Variants in CAST observed in about 807,000 individuals in gnomAD.
The protein encoded by CAST is MIR583 host.
Under a neutral mutation model 119.6 loss-of-function variants are expected in CAST, and 76 were observed. That is an observed-to-expected ratio of 0.64 (90% CI 0.53 to 0.77). The LOEUF is 0.77. CAST is among the 30% of genes least tolerant of loss of function. The probability of loss-of-function intolerance (pLI) is 0.00; values close to 1 mark genes in which losing one functional copy is unlikely to be tolerated. For missense variants in CAST, 953 were observed against 946.5 expected, an observed-to-expected ratio of 1.01 and a Z score of -0.09; for synonymous variants, 319 against 331.6, an observed-to-expected ratio of 0.96 and a Z score of 0.41.
At chr5:96,484,339 G>T in the CAST span, among the ~76,000 whole-genome samples, 1 of 152,124 alleles carries the variant, frequency 6.6e-6, no homozygotes, top group Admixed American at 6.5e-5. Context: ...GATTAGAGTT[G>T]TTGGAAAAGT....
At chr5:96,249,566 C>T in the CAST span, among the ~76,000 whole-genome samples, 1 of 152,142 alleles carries the variant, frequency 6.6e-6, no homozygotes. Context: ...CAAACAAGCC[C>T]ATCATTTCTA....
the CAST span, among the ~76,000 whole-genome samples, chr5:96,402,381 A>G: frequency 0.046 from 7,029 of 152,130 alleles, 458 homozygotes; most frequent in African/African-American, 0.15. Flanking sequence ...TGTTCTTTCC[A>G]TATTGACATT....
intron 1 of CAST, among the ~76,000 whole-genome samples, chr5:96,667,058 CA>C (rs1395907438): frequency 1.3e-5 from 2 of 152,068 alleles, no homozygotes; most frequent in Non-Finnish European, 2.9e-5. Context: ...AGGCGGGGGG[CA>C]GGGGGAAGTA....
At chr5:96,445,350 T>C in the CAST span, among the ~76,000 whole-genome samples, 1 of 152,120 alleles carries the variant, frequency 6.6e-6, no homozygotes, top group East Asian at 1.9e-4. Context: ...GAGGATGGCA[T>C]TAAGGCCAGG....
chr5:96,099,423 C>T, the CAST span, among the ~76,000 whole-genome samples: 1 of 152,130 alleles, frequency 6.6e-6, no homozygotes, highest in African/African-American at 2.4e-5. Context: ...GGGAATGCTT[C>T]CAACTTTTGC....
At chr5:96,221,012 A>G in the CAST span, among the ~76,000 whole-genome samples, 7,314 of 152,236 alleles carry the variant, frequency 0.048, 625 homozygotes, top group African/African-American at 0.17. Flanking sequence ...TATATTTTCA[A>G]TGTTAAATTT....
chr5:96,099,343 C>A, the CAST span, among the ~76,000 whole-genome samples: 1 of 152,008 alleles, frequency 6.6e-6, no homozygotes, highest in African/African-American at 2.4e-5. Context: ...CTCCTCTGGC[C>A]AGGACTTCCA....
At chr5:96,568,148 G>A (rs905920292) in intron 1 of CAST, among the ~76,000 whole-genome samples, 6 of 152,152 alleles carry the variant, frequency 3.9e-5, no homozygotes, top group East Asian at 1.9e-4. Flanking sequence ...AAGAGCAAGC[G>A]TGTATCTGAT....
chr5:96,439,112 A>G, the CAST span, among the ~76,000 whole-genome samples: 1 of 152,226 alleles, frequency 6.6e-6, no homozygotes, highest in South Asian at 2.1e-4. Context: ...ATGGTTGCAT[A>G]GCTTTCCATT....
At chr5:96,621,965 T>C (rs901626130) in intron 1 of CAST, among the ~76,000 whole-genome samples, 2 of 134,530 alleles carry the variant, frequency 1.5e-5, no homozygotes, top group Non-Finnish European at 1.6e-5. Context: ...TTTTCTTTTT[T>C]TCTCTTTTTT....
Position 96,638,104 on chromosome 5 carries a change from C to G in CAST, c.61-37435C>G, listed in dbSNP as rs550651545. Among the ~76,000 whole-genome samples the G allele has an allele frequency of 3.3e-5, 5 of 152,276 alleles. No individual in the cohort carries two copies. In the East Asian group the frequency reaches 9.7e-4, roughly 29 times the overall value. On this transcript the variant is annotated intron_variant, in intron 1 of 11. Coordinates refer to the CAST transcript ENST00000505143. ...CCCTTCATCTGGGTGTTTTTATGCA[C>G]TAAGCAAAATGCCCTTTTGGGCCTG...
the CAST span, among the ~76,000 whole-genome samples, chr5:96,067,340 C>T: frequency 2.0e-5 from 3 of 152,112 alleles, no homozygotes; most frequent in African/African-American, 7.2e-5. Flanking sequence ...CCAGTAAATA[C>T]ATGTTTTAAA....
At chr5:96,483,427 A>G in the CAST span, among the ~76,000 whole-genome samples, 7 of 152,160 alleles carry the variant, frequency 4.6e-5, no homozygotes, top group Non-Finnish European at 8.8e-5. Flanking sequence ...ATTAATATCT[A>G]CTAGAGTAAA....
At chr5:96,331,311 C>T in the CAST span, among the ~76,000 whole-genome samples, 12 of 152,250 alleles carry the variant, frequency 7.9e-5, no homozygotes, top group Admixed American at 2.6e-4. Flanking sequence ...CCCTTTCTTA[C>T]ACACAGAACT....
the CAST span, among the ~76,000 whole-genome samples, chr5:96,339,769 T>C: frequency 6.6e-6 from 1 of 152,196 alleles, no homozygotes; most frequent in African/African-American, 2.4e-5. Flanking sequence ...GGAACTCTTC[T>C]GTGTTTGATT....
the CAST span, among the ~76,000 whole-genome samples, chr5:96,078,973 A>G: frequency 1.3e-5 from 2 of 152,136 alleles, no homozygotes; most frequent in South Asian, 2.1e-4. Context: ...ATCAGGAAGT[A>G]TAATTAATGG....
At chr5:96,027,959 T>A in the CAST span, among the ~76,000 whole-genome samples, 98 of 151,848 alleles carry the variant, frequency 6.5e-4, no homozygotes, top group Non-Finnish European at 1.3e-3. Context: ...TTTGACTGGA[T>A]GATGATCTTG....
the CAST span, among the ~76,000 whole-genome samples, chr5:95,989,009 C>T: frequency 5.3e-5 from 8 of 152,244 alleles, no homozygotes; most frequent in Non-Finnish European, 1.2e-4. Flanking sequence ...TTTAAAAGAA[C>T]ATTTATAGTT....
At chr5:96,373,177 T>C in the CAST span, among the ~76,000 whole-genome samples, 5 of 152,348 alleles carry the variant, frequency 3.3e-5, no homozygotes, top group South Asian at 2.1e-4. Flanking sequence ...ATGCCTTTTT[T>C]ATTCTGCTCC....
Sources: allele counts gnomAD v4.1 joint callset (sites outside exome capture counted in the v4.1 genomes callset), GRCh38; gene constraint gnomAD v4.1.1; transcripts MANE v1.5; gene names NCBI Gene and HGNC (gene_info 2026-07-23, HGNC 2026-07-21).